CPED1: variants seen among roughly 807,000 people sequenced by gnomAD.
CPED1 encodes the protein cadherin-like and PC-esterase domain-containing protein 1.
CPED1 carries 114 observed loss-of-function variants against 128.2 expected under a neutral mutation model. The observed-to-expected ratio is 0.89, with a 90% CI of 0.76 to 1.04. The LOEUF (loss-of-function observed/expected upper bound fraction) is 1.04, where lower values mean the gene tolerates loss of function less well. Ranked by LOEUF, CPED1 falls within the 50% of genes least tolerant of loss-of-function variation. The pLI, the probability that CPED1 is intolerant of heterozygous loss-of-function variation, is 0.00. For synonymous variants in CPED1, 462 were observed against 426.7 expected (o/e 1.08, Z -1.02); for missense variants, 1,211 against 1,207.1 (o/e 1.00, Z -0.05).
chr7:121,229,063 G>A (rs1386227858), intron 16 of CPED1, among the ~76,000 whole-genome samples: 1 of 151,858 alleles, frequency 6.6e-6, no homozygotes, highest in Non-Finnish European at 1.5e-5. Flanking sequence ...TAAATTCAAT[G>A]TTTGATATCA....
chr7:121,263,272 C>A (rs761311797), intron 18 of CPED1, among the ~76,000 whole-genome samples: 9 of 152,058 alleles, frequency 5.9e-5, no homozygotes, highest in Non-Finnish European at 1.3e-4. Flanking sequence ...TCAAGTCCTG[C>A]TGGAGATCAG....
intron 16 of CPED1, among the ~76,000 whole-genome samples, chr7:121,172,515 A>T (rs1796669945): frequency 6.6e-6 from 1 of 152,110 alleles, no homozygotes; most frequent in South Asian, 2.1e-4. Context: ...AATTTAAATA[A>T]AATATGTTTA....
At chr7:121,107,246 CCT>C (rs1794999794) in intron 7 of CPED1, among the ~76,000 whole-genome samples, 1 of 151,998 alleles carries the variant, frequency 6.6e-6, no homozygotes, top group South Asian at 2.1e-4. Flanking sequence ...AATCTTTATC[CCT>C]AAGACTTTAA....
intron 5 of CPED1, among the ~76,000 whole-genome samples, chr7:121,089,136 G>A (rs1218831491): frequency 2.6e-5 from 4 of 152,028 alleles, no homozygotes; most frequent in African/African-American, 9.7e-5. Context: ...GAACCTCAAG[G>A]CAAAATGGTT....
At chr7:121,200,571 T>C (rs551751293) in intron 16 of CPED1, among the ~76,000 whole-genome samples, 2 of 152,288 alleles carry the variant, frequency 1.3e-5, no homozygotes, top group Admixed American at 1.3e-4. Flanking sequence ...CAGTTAATTC[T>C]TCTCAAGTGT....
At position 121,124,396 on chromosome 7, in the gene CPED1, G is replaced by A; in HGVS notation, c.984G>A (p.Lys328=). 3 of 1,608,064 alleles carry A rather than the reference G, an allele frequency of 1.9e-6. No individual in the cohort carries two copies. The highest frequency in any genetic ancestry group is 2.6e-6 in the Non-Finnish European group (3 of 1,176,428). ...CTCAACAGGCTTTTGACATTATGAA[G>A]GAAGCAATTGGCAAACTACTGCTAG... is the stretch of plus-strand genomic sequence containing the variant. ...SSPQQAFDIM[K]EAIGKLLLAA... is the part of the protein sequence containing the mutation. Residue 328 remains lysine (K), a synonymous_variant, in exon 8 of 23, where the codon AAG becomes AAA. Transcript: ENST00000310396.
At chr7:121,147,537 C>T (rs1225873670) in intron 16 of CPED1, among the ~76,000 whole-genome samples, 1 of 151,994 alleles carries the variant, frequency 6.6e-6, no homozygotes, top group Non-Finnish European at 1.5e-5. Flanking sequence ...TTGCTATACA[C>T]ATAGGGGAAT....
At chr7:121,089,042 G>A (rs1794515786) in intron 5 of CPED1, among the ~76,000 whole-genome samples, 1 of 152,152 alleles carries the variant, frequency 6.6e-6, no homozygotes, top group Admixed American at 6.5e-5. Flanking sequence ...TCATCTATGA[G>A]GAGTGAACTC....
At chr7:121,087,954 C>T (rs901222353) in intron 5 of CPED1, among the ~76,000 whole-genome samples, 1 of 152,078 alleles carries the variant, frequency 6.6e-6, no homozygotes, top group Non-Finnish European at 1.5e-5. Context: ...ACCACCATGC[C>T]TGGCCCAAGC....
At position 121,035,434 on chromosome 7, in the gene CPED1, A is replaced by G. The variant is rs143221134; in HGVS notation, c.434-11453A>G. On this transcript the variant is annotated intron_variant, in intron 3 of 22. Coordinates refer to ENST00000310396, the MANE Select transcript of CPED1 (RefSeq NM_024913.5). Reference sequence around the variant, plus strand: ...TTTTAAAAATTTAAATTTCAAATTGATGGTGTTTGAAATTAATAAGATTTG... The same window carrying G: ...TTTTAAAAATTTAAATTTCAAATTGGTGGTGTTTGAAATTAATAAGATTTG... 2.0e-5 allele frequency among the ~76,000 whole-genome samples: 3 copies of G among 152,290 alleles called. No homozygotes were observed. In the East Asian group the frequency reaches 5.8e-4, roughly 29 times the overall value.
At chr7:121,232,396 C>CGT (rs1798159267) in intron 16 of CPED1, among the ~76,000 whole-genome samples, 1 of 152,042 alleles carries the variant, frequency 6.6e-6, no homozygotes, top group Non-Finnish European at 1.5e-5. Context: ...TTGGTCCATG[C>CGT]ATGAGGGTGC....
intron 3 of CPED1, among the ~76,000 whole-genome samples, chr7:121,029,610 A>G (rs1271326006): frequency 1.3e-5 from 2 of 152,166 alleles, no homozygotes; most frequent in African/African-American, 4.8e-5. Context: ...TGTTTGCTCA[A>G]ATATTTCTGT....
intron 5 of CPED1, among the ~76,000 whole-genome samples, chr7:121,096,909 A>G (rs1794713820): frequency 6.6e-6 from 1 of 152,126 alleles, no homozygotes; most frequent in African/African-American, 2.4e-5. Flanking sequence ...ATGTAGATAC[A>G]TTGATATTTA....
rs112166697 is a variant in CPED1 at position 121,066,901 on chromosome 7, G to A, written c.616+2588G>A. On this transcript the variant is annotated intron_variant, in intron 5 of 22. Transcript: ENST00000310396. ...GCATGTTGAGTATTACATTGAATCC[G>A]TGGAATGAAGTGATATGCAGGCATT... 4.4e-3 allele frequency among the ~76,000 whole-genome samples: 664 copies of A among 152,220 alleles called. 1 individual carries two copies. The highest frequency in any genetic ancestry group is 6.6e-3 in the Non-Finnish European group (451 of 67,990).
rs117484828 is a variant in CPED1, at chr7:121,222,426, C to G, written c.2056-14288C>G. ...CTTTGTTCTTTTTGCTTAGGATTGT[C>G]ATGGCATTGTGGGCTCTTTTTTGGT... On this transcript the variant is annotated intron_variant, in intron 16 of 22. Coordinates refer to ENST00000310396, the MANE Select transcript of CPED1 (RefSeq NM_024913.5). 8.8e-3 allele frequency among the ~76,000 whole-genome samples: 1,334 copies of G among 152,210 alleles called. 70 individuals carry two copies. The highest frequency in any genetic ancestry group is 0.077 in the Admixed American group (1,175 of 15,270).
chr7:121,085,069 CTA>C (rs35778484), intron 5 of CPED1, among the ~76,000 whole-genome samples: 92,014 of 151,810 alleles, frequency 0.61, 28,575 homozygotes, highest in African/African-American at 0.7. Context: ...CTTGTTACAG[CTA>C]TATTCACCGT....
At chr7:121,064,465 C>T in intron 5 of CPED1, 152 bp downstream of exon 5, 4 of 585,300 alleles carry the variant, frequency 6.8e-6, no homozygotes. Flanking sequence ...AACGCTTTGC[C>T]AATGAAAAGA....
intron 6 of CPED1, among the ~76,000 whole-genome samples, chr7:121,098,813 T>TA (rs1563024942): frequency 7.1e-6 from 1 of 140,966 alleles, no homozygotes; most frequent in African/African-American, 2.7e-5. Flanking sequence ...AATATATAAA[T>TA]AATATATATA....
rs1241368060 is a variant in CPED1 at position 121,296,967 on chromosome 7, T to C, written c.*1315T>C. On this transcript the variant is annotated 3_prime_UTR_variant, in exon 23 of 23. Transcript: ENST00000310396. ...ACCTATTTTGATTGATCAGTTCTTTTGTATGAATATCCACCTCCTTTAAAT... is the reference window on the plus strand; with the variant it reads ...ACCTATTTTGATTGATCAGTTCTTTCGTATGAATATCCACCTCCTTTAAAT... The C allele has an allele frequency of 6.6e-6, 1 of 152,166 alleles. No homozygotes were observed. Among genetic ancestry groups the C allele is most frequent in the Non-Finnish European group, 1.5e-5 (1 of 67,926 alleles). The allele number at this position is 152,166 out of a possible 1,614,324, so 9.4% of individuals were successfully genotyped here.
Sources: allele counts gnomAD v4.1 joint callset (sites outside exome capture counted in the v4.1 genomes callset), GRCh38; gene constraint gnomAD v4.1.1; transcripts MANE v1.5; gene names NCBI Gene and HGNC (gene_info 2026-07-23, HGNC 2026-07-21).